Variants in DACT2 observed in about 807,000 individuals in gnomAD.
DACT2 encodes dishevelled binding antagonist of beta catenin 2, also known as dapper homolog 2.
Under a neutral mutation model 22.2 loss-of-function variants are expected in DACT2, and 20 were observed. That is an observed-to-expected ratio of 0.90 (90% CI 0.63 to 1.31). DACT2 has a LOEUF of 1.31. DACT2 is among the 50% of genes most tolerant of loss of function. The pLI is 0.00. For synonymous variants in DACT2, 463 were observed against 479.8 expected (o/e 0.96, Z 0.46); for missense variants, 1,048 against 1,061.4 (o/e 0.99, Z 0.18).
At chr6:168,293,888 G>A (rs746962612) in exon 6 of DACT2, 1 of 703,330 alleles carries the variant, frequency 1.4e-6, no homozygotes, top group South Asian at 1.5e-5. Flanking sequence ...TTGGTGTAGT[G>A]CTCTGTCATT....
Position 168,294,561 on chromosome 6 carries a change from A to ATGTGTGTG in DACT2, c.730+64_730+71dup, listed in dbSNP as rs200833162. On this transcript the variant is annotated intron_variant, in intron 4 of 5. Coordinates refer to the DACT2 transcript ENST00000366796. ...TATAATAAAATATGTGTGTGTGTGT[A>ATGTGTGTG]TGTGTGTGTGTGTGTGTATATATAT... 5.1e-5 allele frequency: 22 copies of ATGTGTGTG among 431,056 alleles called. No homozygotes were observed. The African/African-American group carries it at 6.2e-4, about 12-fold the overall frequency. 26.7% of individuals were successfully genotyped at this position (431,056 alleles called of 1,614,324 possible).
chr6:168,311,121 CT>C, intron 2 of DACT2, 30 bp downstream of exon 2: 1 of 1,500,348 alleles, frequency 6.7e-7, no homozygotes, highest in Non-Finnish European at 8.9e-7. Flanking sequence ...GTGCCTGCCC[CT>C]GTGTCCGGGA....
At chr6:168,304,431 T>C (rs1276825645), downstream of DACT2, among the ~76,000 whole-genome samples, 1 of 152,222 alleles carries the variant, frequency 6.6e-6, no homozygotes, top group Non-Finnish European at 1.5e-5. Flanking sequence ...CACCCTGTCG[T>C]CAGCCCTCTC....
intron 1 of DACT2, among the ~76,000 whole-genome samples, chr6:168,315,037 A>G (rs965176038): frequency 2.0e-5 from 3 of 152,212 alleles, no homozygotes; most frequent in African/African-American, 7.2e-5. Flanking sequence ...CCGGCCCAAG[A>G]AAAATGCCAG....
exon 6 of DACT2, chr6:168,292,928 G>A (rs1778939119): frequency 6.6e-6 from 1 of 152,104 alleles, no homozygotes; most frequent in Non-Finnish European, 1.5e-5. Context: ...CCAGATGTGA[G>A]TATTATATGA....
chr6:168,310,297 G>A lies in DACT2; in HGVS notation c.529C>T (p.Arg177Trp), dbSNP rs371504350. ...ARPSMGDWRPRSVDETTVPAW... is the reference protein window; with the variant it reads ...ARPSMGDWRPWSVDETTVPAW... ...GGCACAGTAGTCTCATCAACCGACC[G>A]GGGCCTCCAGTCCCCCATGCTGGGC... Residue 177 changes from arginine (R) to tryptophan (W), a missense_variant, in exon 3 of 4, where the codon CGG becomes TGG. By Grantham distance (101) the Arg-to-Trp change is moderately radical. Transcript: ENST00000366795. 39 of 1,551,406 alleles carry A rather than the reference G, an allele frequency of 2.5e-5. No homozygotes were observed. The highest frequency in any genetic ancestry group is 2.0e-4 in the Admixed American group (10 of 50,970).
At chr6:168,312,576 G>C (rs1779448182) in intron 1 of DACT2, among the ~76,000 whole-genome samples, 1 of 152,148 alleles carries the variant, frequency 6.6e-6, no homozygotes, top group Non-Finnish European at 1.5e-5. Context: ...CACTCTAAAG[G>C]GTTTATAATG....
At chr6:168,310,849 C>T (rs1359174739) in intron 2 of DACT2, among the ~76,000 whole-genome samples, 1 of 152,132 alleles carries the variant, frequency 6.6e-6, no homozygotes, top group African/African-American at 2.4e-5. Flanking sequence ...TTGAGGAGAC[C>T]AGTCTGGGGA....
exon 5 of DACT2, chr6:168,294,176 C>T (rs1369217094): frequency 1.4e-6 from 1 of 703,020 alleles, no homozygotes. Flanking sequence ...GCCACACTTT[C>T]CTCTCAAACC....
At chr6:168,303,474 C>T (rs757253445), downstream of DACT2, among the ~76,000 whole-genome samples, 8 of 152,170 alleles carry the variant, frequency 5.3e-5, no homozygotes, top group South Asian at 2.1e-4. Flanking sequence ...ATGGCTTCCT[C>T]GGCTTCTGTC....
At chr6:168,293,088 T>C (rs1778942163) in exon 6 of DACT2, 1 of 152,032 alleles carries the variant, frequency 6.6e-6, no homozygotes, top group Non-Finnish European at 1.5e-5. Context: ...GAGGTCGGGG[T>C]GGCCACGTGG....
intron 3 of DACT2, among the ~76,000 whole-genome samples, chr6:168,309,308 T>A (rs115388828): frequency 0.14 from 21,398 of 150,408 alleles, 1,564 homozygotes; most frequent in African/African-American, 0.17. Context: ...TTTAAGACAC[T>A]GGGCGCGGGG....
chr6:168,310,080 C>G, intron 3 of DACT2, 88 bp downstream of exon 3: 1 of 1,507,708 alleles, frequency 6.6e-7, no homozygotes, highest in Non-Finnish European at 8.8e-7. Flanking sequence ...GTGTAGGGTC[C>G]CCGGCTCTGC....
chr6:168,315,409 C>G (rs1237679290), intron 1 of DACT2, among the ~76,000 whole-genome samples: 2 of 152,134 alleles, frequency 1.3e-5, no homozygotes, highest in East Asian at 3.9e-4. Flanking sequence ...TCCTCACAGA[C>G]ATACATGAGG....
At position 168,319,432 on chromosome 6, in the gene DACT2, C is replaced by CGGGGCCGTGGAGGCCGTG; in HGVS notation, c.184_201dup (p.His62_Pro67dup). The stretch of plus-strand genomic sequence containing the variant: ...GCCAGCGCCGCCTCCAGCTGCTGCT[C>CGGGGCCGTGGAGGCCGTG]GGGGCCGTGGAGGCCGTGGGGGCCG... On this transcript the variant is annotated inframe_insertion, in exon 1 of 4. Transcript: ENST00000366795. 8.3e-7 allele frequency: 1 copy of CGGGGCCGTGGAGGCCGTG among 1,204,434 alleles called. No individual in the cohort carries two copies. Among genetic ancestry groups the CGGGGCCGTGGAGGCCGTG allele is most frequent in the Non-Finnish European group, 1.0e-6 (1 of 970,938 alleles). 74.6% of individuals were successfully genotyped at this position (1,204,434 alleles called of 1,614,324 possible).
At chr6:168,305,044 AAGAG>A (rs1022026607), downstream of DACT2, among the ~76,000 whole-genome samples, 4 of 152,140 alleles carry the variant, frequency 2.6e-5, no homozygotes, top group Non-Finnish European at 5.9e-5. Context: ...ATGGGGGAGA[AAGAG>A]AGAGCATGAG....
At position 168,310,217 on chromosome 6, in the gene DACT2, C is replaced by T. The variant is rs927494586; in HGVS notation, c.609G>A (p.Glu203=). 1.9e-5 allele frequency: 29 copies of T among 1,550,872 alleles called. No individual in the cohort carries two copies. The highest frequency in any genetic ancestry group is 2.3e-5 in the Non-Finnish European group (26 of 1,146,998). The stretch of plus-strand genomic sequence containing the variant: ...ATGTGCCCCACGGCTGGCCTGCATC[C>T]TCCACGCTCCCTGGGGGCCTGGCGC... The part of the protein sequence containing the change: ...EEGARPPGSV[E]DAGQPWGTFW... The change falls in exon 3 of 4, where the codon GAG becomes GAA. Residue 203 remains glutamate (E), a synonymous_variant. Coordinates refer to ENST00000366795, the MANE Select transcript of DACT2 (RefSeq NM_214462.5).
intron 1 of DACT2, among the ~76,000 whole-genome samples, chr6:168,314,358 C>T (rs557146357): frequency 1.3e-5 from 2 of 152,296 alleles, no homozygotes; most frequent in African/African-American, 2.4e-5. Flanking sequence ...TAAAGGCGCT[C>T]ATACCAAGCC....
chr6:168,304,979 C>A (rs1008861158), downstream of DACT2, among the ~76,000 whole-genome samples: 3 of 152,178 alleles, frequency 2.0e-5, no homozygotes, highest in African/African-American at 7.2e-5. Flanking sequence ...AGAGCACTGG[C>A]AAGGCCTTGG....
Sources: allele counts gnomAD v4.1 joint callset (sites outside exome capture counted in the v4.1 genomes callset), GRCh38; gene constraint gnomAD v4.1.1; transcripts MANE v1.5; gene names NCBI Gene and HGNC (gene_info 2026-07-23, HGNC 2026-07-21).